The following DGKB variants were observed in gnomAD, a reference collection of about 807,000 sequenced individuals.
DGKB encodes 90 kDa diacylglycerol kinase.
In DGKB, 67 loss-of-function variants were observed where a neutral mutation model predicts 114.3. That is an observed-to-expected ratio of 0.59 (90% CI 0.48 to 0.72). The LOEUF is 0.72. DGKB is among the 30% of genes least tolerant of loss of function. The pLI is 0.00. For missense variants in DGKB, 907 were observed against 975.2 expected, an observed-to-expected ratio of 0.93 and a Z score of 0.93; for synonymous variants, 398 against 323.1, an observed-to-expected ratio of 1.23 and a Z score of -2.49.
intron 20 of DGKB, among the ~76,000 whole-genome samples, chr7:14,497,367 A>G (rs933535954): frequency 3.3e-5 from 5 of 151,874 alleles, no homozygotes; most frequent in African/African-American, 7.2e-5. Context: ...AACATAAGAA[A>G]TGTTTTAAAA....
At chr7:14,181,700 T>C (rs1782654810) in intron 23 of DGKB, among the ~76,000 whole-genome samples, 1 of 152,206 alleles carries the variant, frequency 6.6e-6, no homozygotes, top group Non-Finnish European at 1.5e-5. Flanking sequence ...TCAAGAACTG[T>C]GAAATCCTGA....
At chr7:14,521,661 T>C in intron 20 of DGKB, among the ~76,000 whole-genome samples, 1 of 152,172 alleles carries the variant, frequency 6.6e-6, no homozygotes, top group South Asian at 2.1e-4. Context: ...GTTATTTTCA[T>C]GGATCCCTTT....
At chr7:14,301,895 A>G (rs1466502011) in intron 23 of DGKB, among the ~76,000 whole-genome samples, 1 of 152,106 alleles carries the variant, frequency 6.6e-6, no homozygotes, top group Non-Finnish European at 1.5e-5. Flanking sequence ...GGTCTACCAA[A>G]GTATGGGGCT....
At chr7:14,594,601 AC>A (rs1253116208) in intron 17 of DGKB, among the ~76,000 whole-genome samples, 4 of 152,116 alleles carry the variant, frequency 2.6e-5, no homozygotes, top group Non-Finnish European at 5.9e-5. Context: ...TATAAAATTA[AC>A]CCCTAAAATG....
chr7:14,282,329 G>T (rs1479918255), intron 23 of DGKB, among the ~76,000 whole-genome samples: 6 of 129,222 alleles, frequency 4.6e-5, no homozygotes, highest in African/African-American at 1.5e-4. Flanking sequence ...TTGAATCTCT[G>T]AATAGACCAA....
chr7:14,696,626 G>C (rs1459044908), intron 8 of DGKB, among the ~76,000 whole-genome samples: 1 of 151,298 alleles, frequency 6.6e-6, no homozygotes, highest in Non-Finnish European at 1.5e-5. Flanking sequence ...CAGGTAGAAA[G>C]GTGAGTAGGA....
chr7:14,731,184 A>G (rs575840669), intron 5 of DGKB, among the ~76,000 whole-genome samples: 155 of 152,288 alleles, frequency 1.0e-3, no homozygotes, highest in Non-Finnish European at 1.8e-3. Context: ...ACCAAAATAG[A>G]AGGTAGGAAT....
chr7:14,753,994 C>T (rs1383124678), intron 3 of DGKB, 46 bp from the exon 4 acceptor site: 3 of 1,295,312 alleles, frequency 2.3e-6, no homozygotes, highest in Non-Finnish European at 2.2e-6. Context: ...ATGTAAGATA[C>T]TTTATACTCA....
chr7:14,703,147 A>C (rs1825515429), intron 6 of DGKB, among the ~76,000 whole-genome samples: 1 of 152,202 alleles, frequency 6.6e-6, no homozygotes, highest in Admixed American at 6.5e-5. Context: ...ATAGTGAAAA[A>C]TATCTTTGTA....
intron 8 of DGKB, among the ~76,000 whole-genome samples, chr7:14,696,270 G>A (rs552705860): frequency 5.9e-5 from 9 of 151,690 alleles, no homozygotes; most frequent in Admixed American, 1.3e-4. Flanking sequence ...GAGGCGGGTG[G>A]ATCAGGAGGT....
intron 2 of DGKB, among the ~76,000 whole-genome samples, chr7:14,773,669 G>A (rs1017042562): frequency 6.6e-6 from 1 of 152,026 alleles, no homozygotes; most frequent in African/African-American, 2.4e-5. Context: ...ACAATGAGGG[G>A]CACAAAAACA....
intron 2 of DGKB, among the ~76,000 whole-genome samples, chr7:14,831,057 C>T (rs1462484648): frequency 2.6e-5 from 4 of 151,922 alleles, no homozygotes; most frequent in Admixed American, 6.6e-5. Context: ...AATTCCCCTT[C>T]ATTCTTCCTG....
intron 20 of DGKB, among the ~76,000 whole-genome samples, chr7:14,517,661 G>C (rs1214002914): frequency 1.3e-5 from 2 of 151,522 alleles, no homozygotes; most frequent in Non-Finnish European, 2.9e-5. Flanking sequence ...AAACATGAAT[G>C]GACACTGCAA....
At chr7:14,235,075 T>G (rs1393974270) in intron 23 of DGKB, among the ~76,000 whole-genome samples, 1 of 152,046 alleles carries the variant, frequency 6.6e-6, no homozygotes, top group Non-Finnish European at 1.5e-5. Flanking sequence ...TTCTCTTCTT[T>G]CAGGAAGCCT....
intron 25 of DGKB, among the ~76,000 whole-genome samples, chr7:14,171,929 C>A (rs945463897): frequency 3.3e-5 from 5 of 152,124 alleles, no homozygotes; most frequent in Admixed American, 1.3e-4. Flanking sequence ...AAGCCTGTGT[C>A]TAAAAGGAGC....
At chr7:14,918,853 G>A (rs1213168914) in intron 1 of DGKB, among the ~76,000 whole-genome samples, 4 of 151,902 alleles carry the variant, frequency 2.6e-5, no homozygotes, top group Admixed American at 6.6e-5. Flanking sequence ...TCACGAGGTC[G>A]GGAGTTTGAA....
intron 21 of DGKB, among the ~76,000 whole-genome samples, chr7:14,382,454 AC>A (rs1410694440): frequency 1.0e-4 from 2 of 19,336 alleles, no homozygotes; most frequent in Non-Finnish European, 4.9e-4. Flanking sequence ...ATGCCTGTAC[AC>A]ACACACACAC....
intron 2 of DGKB, among the ~76,000 whole-genome samples, chr7:14,802,687 A>C (rs956849255): frequency 3.3e-5 from 5 of 152,166 alleles, no homozygotes; most frequent in Non-Finnish European, 7.4e-5. Flanking sequence ...ACAAAGATTT[A>C]ACAAATGTTA....
At chr7:14,418,899 T>C (rs1826223513) in intron 21 of DGKB, among the ~76,000 whole-genome samples, 1 of 151,888 alleles carries the variant, frequency 6.6e-6, no homozygotes, top group Non-Finnish European at 1.5e-5. Flanking sequence ...TCAGTAAGGG[T>C]TAACTGAATC....
Sources: allele counts gnomAD v4.1 joint callset (sites outside exome capture counted in the v4.1 genomes callset), GRCh38; gene constraint gnomAD v4.1.1; transcripts MANE v1.5; gene names NCBI Gene and HGNC (gene_info 2026-07-23, HGNC 2026-07-21).